CHST8: variants seen among roughly 807,000 people sequenced by gnomAD.
The protein encoded by CHST8 is GALNAC-4-ST1.
Under a neutral mutation model 15.0 loss-of-function variants are expected in CHST8, and 10 were observed. The ratio of observed to expected loss-of-function variants is 0.67; its 90% CI spans 0.41 to 1.13. The LOEUF is 1.13. Among genes scored for constraint, CHST8 ranks in the 50% most tolerant of loss-of-function variants. CHST8 has a pLI of 0.00. For synonymous variants in CHST8, 259 were observed against 256.6 expected, an observed-to-expected ratio of 1.01 and a Z score of -0.09; for missense variants, 634 against 608.2, an observed-to-expected ratio of 1.04 and a Z score of -0.45.
Position 33,637,933 on chromosome 19 carries a change from A to G in CHST8, c.-164+15637A>G, listed in dbSNP as rs1972226848. ...CATGCCCCCTCTTCCAGGAAGGCTC[A>G]AACATCCCCTTCCTAACAGATTCTC... On this transcript the variant is annotated intron_variant, in intron 1 of 4. Coordinates refer to ENST00000650847, the MANE Select transcript of CHST8 (RefSeq NM_001127895.2). 2.0e-5 allele frequency among the ~76,000 whole-genome samples: 3 copies of G among 151,500 alleles called. No individual in the cohort carries two copies. The South Asian group carries it at 6.3e-4, about 32-fold the overall frequency.
At chr19:33,689,097 G>C in intron 2 of CHST8, 79 bp from the exon 3 acceptor site, 1 of 681,684 alleles carries the variant, frequency 1.5e-6, no homozygotes, top group Non-Finnish European at 2.2e-6. Context: ...ATTGCACTTG[G>C]ATTGCTGCAG....
Position 33,705,351 on chromosome 19 carries a change from G to T in CHST8, c.130+15960G>T, listed in dbSNP as rs539147762. ...CAGCCGGGAGCCCTGCCAGATACCT[G>T]TTCACTGTTCAGGTCAGGCAGGGGA... On this transcript the variant is annotated intron_variant, in intron 3 of 4. Coordinates refer to ENST00000650847, the MANE Select transcript of CHST8 (RefSeq NM_001127895.2). 7.5e-4 allele frequency among the ~76,000 whole-genome samples: 114 copies of T among 152,308 alleles called. 3 individuals are homozygous for T. The East Asian group carries it at 0.02, about 27-fold the overall frequency.
In CHST8 at chr19:33,772,854, A is replaced by G. The variant is rs1411670496; in HGVS notation, c.1066A>G (p.Asn356Asp). Residue 356 changes from asparagine to aspartate, a missense_variant, in exon 5 of 5, where the codon AAC becomes GAC. Physicochemically the swap from Asn to Asp is conservative, Grantham distance 23. Coordinates refer to ENST00000650847, the MANE Select transcript of CHST8 (RefSeq NM_001127895.2). ...GKFESMEDDA[N>D]FFLSLIRAPR... ...GTTCGAGAGCATGGAGGACGATGCC[A>G]ACTTCTTCCTGAGCCTCATCCGCGC... 3 of 1,613,510 alleles carry G rather than the reference A, an allele frequency of 1.9e-6. No individual in the cohort carries two copies.
In CHST8 at chr19:33,734,754, C is replaced by A. The variant is rs147616495; in HGVS notation, c.131-36659C>A. Among the ~76,000 whole-genome samples, 320 of 152,258 alleles carry A rather than the reference C, an allele frequency of 2.1e-3. 1 individual carries two copies. Among genetic ancestry groups the A allele is most frequent in the African/African-American group, 7.3e-3 (304 of 41,552 alleles). On this transcript the variant is annotated intron_variant, in intron 3 of 4. Transcript: ENST00000650847. ...TTCCTGATCCCAGAGCTGCCCACTC[C>A]CACTGGGCCCAGCATACCACCCTGG...
intron 2 of CHST8, among the ~76,000 whole-genome samples, chr19:33,672,468 G>A (rs1972750645): frequency 6.6e-6 from 1 of 152,142 alleles, no homozygotes; most frequent in Non-Finnish European, 1.5e-5. Context: ...CAAAGTGCTG[G>A]GATTACAGGT....
chr19:33,674,138 T>C (rs566710216), intron 2 of CHST8, among the ~76,000 whole-genome samples: 49 of 152,198 alleles, frequency 3.2e-4, no homozygotes, highest in African/African-American at 1.1e-3. Context: ...TTGGTTAGGG[T>C]CTCCTTGCAC....
At chr19:33,719,257 G>GT (rs551961476) in intron 3 of CHST8, among the ~76,000 whole-genome samples, 190 of 151,876 alleles carry the variant, frequency 1.3e-3, no homozygotes, top group African/African-American at 4.4e-3. Context: ...GGTGGGCCGG[G>GT]TGGGGGAGCC....
At chr19:33,700,984 AGG>A (rs542829983) in intron 3 of CHST8, among the ~76,000 whole-genome samples, 40 of 152,250 alleles carry the variant, frequency 2.6e-4, no homozygotes, top group African/African-American at 9.4e-4. Context: ...TGGAACCTTC[AGG>A]TCTGGATACC....
chr19:33,712,252 A>G (rs548422816), intron 3 of CHST8, among the ~76,000 whole-genome samples: 5 of 152,160 alleles, frequency 3.3e-5, no homozygotes, highest in Non-Finnish European at 7.4e-5. Context: ...GGGGATTCCC[A>G]TCCATGGTTA....
chr19:33,677,420 A>G (rs369501636), intron 2 of CHST8, among the ~76,000 whole-genome samples: 1 of 152,230 alleles, frequency 6.6e-6, no homozygotes, highest in East Asian at 1.9e-4. Context: ...CAGAGAAACC[A>G]GACTCCCTTG....
intron 2 of CHST8, 58 bp downstream of exon 2, chr19:33,667,901 G>A (rs538011410): frequency 2.0e-5 from 3 of 152,202 alleles, no homozygotes; most frequent in East Asian, 1.9e-4. Context: ...ATGCCATATC[G>A]GAACCATCTG....
Position 33,758,456 on chromosome 19 carries a change from G to A in CHST8, c.131-12957G>A, listed in dbSNP as rs576831661. On this transcript the variant is annotated intron_variant, in intron 3 of 4. Coordinates refer to ENST00000650847, the MANE Select transcript of CHST8 (RefSeq NM_001127895.2). ...TGCAGAGCCCCACCCAGGCCAGAGC[G>A]GCCTGCAGTGGGGGTCACTTCAAAG... 1.1e-4 allele frequency among the ~76,000 whole-genome samples: 16 copies of A among 152,318 alleles called. No homozygotes were observed. In the East Asian group the frequency reaches 1.4e-3, roughly 13 times the overall value.
At chr19:33,759,981 C>T (rs1436860514) in intron 3 of CHST8, among the ~76,000 whole-genome samples, 3 of 152,176 alleles carry the variant, frequency 2.0e-5, no homozygotes, top group African/African-American at 7.2e-5. Flanking sequence ...AGGTGTTCAA[C>T]ATTTCCCAGC....
intron 1 of CHST8, among the ~76,000 whole-genome samples, chr19:33,652,310 C>G (rs1390748673): frequency 1.3e-5 from 2 of 148,254 alleles, no homozygotes; most frequent in Non-Finnish European, 3.0e-5. Context: ...AAGTGTCCCT[C>G]TAGTAAGTTT....
At chr19:33,725,071 C>G (rs571107498) in intron 3 of CHST8, among the ~76,000 whole-genome samples, 5 of 152,072 alleles carry the variant, frequency 3.3e-5, no homozygotes, top group Non-Finnish European at 7.4e-5. Flanking sequence ...GCATATGTAT[C>G]GGGGGGCGCT....
chr19:33,638,369 C>G (rs1195397323), intron 1 of CHST8, among the ~76,000 whole-genome samples: 3 of 152,166 alleles, frequency 2.0e-5, no homozygotes, highest in Admixed American at 6.5e-5. Context: ...CCGCTGTCAG[C>G]ACAAAGCCTC....
intron 3 of CHST8, among the ~76,000 whole-genome samples, chr19:33,745,300 T>G (rs1974292404): frequency 6.6e-6 from 1 of 152,218 alleles, no homozygotes; most frequent in Non-Finnish European, 1.5e-5. Flanking sequence ...ATTTGCCCCA[T>G]ATTTCTTAGC....
intron 1 of CHST8, among the ~76,000 whole-genome samples, chr19:33,622,629 C>T (rs964700173): frequency 6.6e-6 from 1 of 152,148 alleles, no homozygotes; most frequent in African/African-American, 2.4e-5. Context: ...TCGGTGCTGC[C>T]CGCGGGGAGG....
At chr19:33,708,508 C>T (rs1358674895) in intron 3 of CHST8, among the ~76,000 whole-genome samples, 6 of 152,168 alleles carry the variant, frequency 3.9e-5, no homozygotes, top group Admixed American at 1.3e-4. Context: ...GAATTGCCTT[C>T]GCACCTTGGT....
Sources: gnomAD v4.1 joint callset for allele counts (sites outside exome capture counted in the v4.1 genomes callset) on GRCh38, gnomAD v4.1.1 for gene constraint, MANE v1.5 for transcripts, NCBI Gene and HGNC (gene_info 2026-07-23, HGNC 2026-07-21) for gene names.